The following ADPRHL1 variants were observed in gnomAD, a reference collection of about 807,000 sequenced individuals.
ADPRHL1 encodes the protein ADP-ribosylhydrolase like 1.
ADPRHL1 carries 43 observed loss-of-function variants against 44.1 expected under a neutral mutation model. The observed-to-expected ratio is 0.98, with a 90% confidence interval of 0.76 to 1.26. The LOEUF (loss-of-function observed/expected upper bound fraction) is 1.26. ADPRHL1 is among the 50% of genes most tolerant of loss of function. The pLI is 0.00. For missense variants in ADPRHL1, 2,022 were observed against 2,496.9 expected (o/e 0.81, Z 4.05); for synonymous variants, 878 against 1,017.4 (o/e 0.86, Z 2.61).
chr13:113,422,764 G>A, intron 7 of ADPRHL1, 62 bp downstream of exon 7: 1 of 1,596,704 alleles, frequency 6.3e-7, no homozygotes, highest in Non-Finnish European at 8.5e-7. Context: ...GCTGCGAGAG[G>A]GCCCTACGGG....
At chr13:113,424,496 C>A (rs1251420057) in intron 5 of ADPRHL1, 147 bp from the exon 6 acceptor site, 2 of 1,162,040 alleles carry the variant, frequency 1.7e-6, no homozygotes, top group African/African-American at 3.1e-5. Flanking sequence ...GCTCTGTCCC[C>A]CAGGTTGGAG....
intron 1 of ADPRHL1, among the ~76,000 whole-genome samples, chr13:113,450,952 A>AC (rs59128545): frequency 0.19 from 24,636 of 127,632 alleles, 2,468 homozygotes; most frequent in African/African-American, 0.3. Flanking sequence ...GGAAAGGGAG[A>AC]CCCCCCCCCC....
intron 7 of ADPRHL1, among the ~76,000 whole-genome samples, chr13:113,412,773 C>CG (rs1381446791): frequency 7.2e-6 from 1 of 138,892 alleles, no homozygotes; most frequent in Non-Finnish European, 1.6e-5. Context: ...CCGCCAACAG[C>CG]GCCCCGCAGA....
chr13:113,404,629 G>C lies in ADPRHL1; in HGVS notation c.4653C>G (p.His1551Gln), dbSNP rs143076658. ...TCTGCCACTGGGCCTGTTCTTGAGC[G>C]TGTCCCTGAGCCTGTCCCTGGGCCC... ...QNWAQGQAQG[H>Q]AQEQAQWQTQ... The change falls in exon 8 of 8, where the codon CAC (histidine) becomes CAG (glutamine). Residue 1551 changes from histidine (H) to glutamine (Q), a missense_variant. Physicochemically the swap from His to Gln is conservative, Grantham distance 24. Around this residue, in one of 8 missense-constraint regions of ADPRHL1, gnomAD observed 32 missense variants for 72.6 expected, o/e 0.44. Transcript: ENST00000612156. 12 of 1,281,138 alleles carry C rather than the reference G, an allele frequency of 9.4e-6. No homozygotes were observed. Among genetic ancestry groups the C allele is most frequent in the Non-Finnish European group, 1.2e-5 (12 of 1,022,436 alleles). 79.4% of individuals were successfully genotyped at this position (1,281,138 alleles called of 1,614,324 possible). A position where few individuals can be genotyped will look rare whatever the true frequency, so the allele number is the denominator to read the frequency against.
At chr13:113,430,241 T>C (rs1387780916) in intron 3 of ADPRHL1, among the ~76,000 whole-genome samples, 2 of 152,302 alleles carry the variant, frequency 1.3e-5, no homozygotes, top group African/African-American at 4.8e-5. Context: ...ACGATGATCC[T>C]GGCCATAATG....
At chr13:113,436,346 T>C (rs2044055930) in intron 2 of ADPRHL1, among the ~76,000 whole-genome samples, 1 of 127,814 alleles carries the variant, frequency 7.8e-6, no homozygotes, top group African/African-American at 3.1e-5. Context: ...AACACAGGTG[T>C]ACCCCGGGAC....
Position 113,405,852 on chromosome 13 carries a change from G to A in ADPRHL1, c.3430C>T (p.Pro1144Ser), listed in dbSNP as rs1016135308. Residue 1144 changes from proline (P) to serine (S), a missense_variant, in exon 8 of 8, where the codon CCA (proline) becomes TCA (serine). Transcript: ENST00000612156. ...CTTCCCCACTGGCCCAGCGTCTCTG[G>A]CTCTCCCGCTGTGCGGTCTCCAGGG... ...QSPGDRTAGE[P>S]ETLGQWGSRA... The A allele has an allele frequency of 3.2e-6, 4 of 1,231,812 alleles. No individual in the cohort carries two copies. In the Admixed American group the frequency reaches 1.3e-4, roughly 39 times the overall value. The allele number at this position is 1,231,812 out of a possible 1,614,324, so 76.3% of individuals were successfully genotyped here.
At chr13:113,437,265 A>C (rs558806854) in intron 2 of ADPRHL1, among the ~76,000 whole-genome samples, 12 of 150,652 alleles carry the variant, frequency 8.0e-5, no homozygotes, top group African/African-American at 2.9e-4. Flanking sequence ...GAGTGAACAT[A>C]GGTGTACCCC....
chr13:113,417,394 G>A (rs889795559), intron 7 of ADPRHL1, among the ~76,000 whole-genome samples: 3 of 152,266 alleles, frequency 2.0e-5, no homozygotes, highest in Admixed American at 6.5e-5. Context: ...AGGGCCACAC[G>A]ATGGTTCAGA....
chr13:113,425,560 C>G (rs1315664245), intron 4 of ADPRHL1, among the ~76,000 whole-genome samples: 4 of 151,224 alleles, frequency 2.6e-5, no homozygotes, highest in Admixed American at 2.6e-4. Context: ...TTAGTAGAGA[C>G]GAGGTTTCAC....
chr13:113,425,007 C>T lies in ADPRHL1; in HGVS notation c.774+45G>A, dbSNP rs1332384651. On this transcript the variant is annotated intron_variant, in intron 5 of 7. Transcript: ENST00000612156. ...CCACTTGCTATGCACTTATTGAGCACCACTGGTGTGCCAGACATTGCCCCA... is the reference window on the plus strand; with the variant it reads ...CCACTTGCTATGCACTTATTGAGCATCACTGGTGTGCCAGACATTGCCCCA... The T allele has an allele frequency of 1.9e-6, 3 of 1,610,238 alleles. No homozygotes were observed. The Admixed American group carries it at 5.0e-5, about 27-fold the overall frequency.
In ADPRHL1 at chr13:113,403,771, C is replaced by A; in HGVS notation, c.5511G>T (p.Gly1837=). The A allele has an allele frequency of 8.1e-7, 1 of 1,232,952 alleles. No homozygotes were observed. Among genetic ancestry groups the A allele is most frequent in the Non-Finnish European group, 1.0e-6 (1 of 988,934 alleles). 76.4% of individuals were successfully genotyped at this position (1,232,952 alleles called of 1,614,324 possible). A position where few individuals can be genotyped will look rare whatever the true frequency, so the allele number is the denominator to read the frequency against. The change falls in exon 8 of 8, where the codon GGG becomes GGT. Residue 1837 remains glycine (G), a synonymous_variant. Coordinates refer to ENST00000612156, the MANE Select transcript of ADPRHL1 (RefSeq NM_001394807.1). ...CATCCCTGGGGGCTGGGCTTCTGGA[C>A]CCCCCACTCCTGCCAGCAGCATCCA... ...EGVDAAGRSG[G]SRSPAPRDGG...
intron 3 of ADPRHL1, among the ~76,000 whole-genome samples, chr13:113,431,285 G>A (rs1364683981): frequency 1.3e-5 from 2 of 152,198 alleles, no homozygotes; most frequent in Admixed American, 6.5e-5. Flanking sequence ...CACTCAACAC[G>A]GCCGCTACAT....
At chr13:113,450,043 T>C (rs550888441) in intron 1 of ADPRHL1, among the ~76,000 whole-genome samples, 5 of 152,358 alleles carry the variant, frequency 3.3e-5, no homozygotes, top group African/African-American at 1.2e-4. Flanking sequence ...GTGAAGCAGC[T>C]GGAACAATGC....
intron 2 of ADPRHL1, among the ~76,000 whole-genome samples, 187 bp from the exon 3 acceptor site, chr13:113,434,054 T>C (rs2044027742): frequency 6.6e-6 from 1 of 152,152 alleles, no homozygotes; most frequent in South Asian, 2.1e-4. Context: ...ATGGGGCAAA[T>C]TCGGTTGCAT....
At chr13:113,433,557 G>A (rs2044022035) in intron 3 of ADPRHL1, among the ~76,000 whole-genome samples, 185 bp downstream of exon 3, 1 of 152,214 alleles carries the variant, frequency 6.6e-6, no homozygotes, top group Non-Finnish European at 1.5e-5. Flanking sequence ...AGTGTCCCGG[G>A]CAGGGCGCCC....
At chr13:113,449,115 T>C in intron 1 of ADPRHL1, 1 of 994,968 alleles carries the variant, frequency 1.0e-6, no homozygotes, top group Middle Eastern at 5.1e-4. Flanking sequence ...ACACGGCTAC[T>C]TCCTGGTTCA....
chr13:113,411,961 G>T (rs2043855475), intron 7 of ADPRHL1, among the ~76,000 whole-genome samples: 1 of 152,150 alleles, frequency 6.6e-6, no homozygotes, highest in African/African-American at 2.4e-5. Context: ...GCCCACTATT[G>T]CGCTCACCCT....
chr13:113,412,780 C>G (rs1056327837), intron 7 of ADPRHL1, among the ~76,000 whole-genome samples: 354 of 103,158 alleles, frequency 3.4e-3, no homozygotes, highest in Middle Eastern at 0.017. Context: ...CAGCGCCCCG[C>G]AGAACTCGGT....
Sources: allele counts gnomAD v4.1 joint callset (sites outside exome capture counted in the v4.1 genomes callset), GRCh38; gene constraint gnomAD v4.1.1; regional missense constraint gnomAD v4.1.1; transcripts MANE v1.5; gene names NCBI Gene and HGNC (gene_info 2026-07-23, HGNC 2026-07-21).